Variants in GALNTL6 observed in about 807,000 individuals in gnomAD.
GALNTL6 encodes the protein polypeptide N-acetylgalactosaminyltransferase-like 6.
Under a neutral mutation model 73.7 loss-of-function variants are expected in GALNTL6, and 46 were observed. The observed-to-expected ratio is 0.62, with a 90% confidence interval of 0.49 to 0.80. The LOEUF (loss-of-function observed/expected upper bound fraction) is 0.80. Ranked by LOEUF, GALNTL6 falls within the 30% of genes least tolerant of loss-of-function variation. GALNTL6 has a pLI of 0.00. For missense variants in GALNTL6, 604 were observed against 755.0 expected, an observed-to-expected ratio of 0.80 and a Z score of 2.34; for synonymous variants, 259 against 263.7, an observed-to-expected ratio of 0.98 and a Z score of 0.17.
chr4:172,821,941 C>T (rs182261695), intron 7 of GALNTL6, among the ~76,000 whole-genome samples: 62 of 152,226 alleles, frequency 4.1e-4, no homozygotes, highest in Non-Finnish European at 4.7e-4. Flanking sequence ...TCTGGAGGCC[C>T]CTGGCTGCCC....
At chr4:171,991,381 A>C (rs1740329313) in intron 2 of GALNTL6, among the ~76,000 whole-genome samples, 2 of 152,252 alleles carry the variant, frequency 1.3e-5, no homozygotes, top group South Asian at 4.1e-4. Flanking sequence ...TGCCAATCAA[A>C]ACCATATCAA....
At chr4:172,040,105 C>T (rs1444744685) in intron 2 of GALNTL6, among the ~76,000 whole-genome samples, 1 of 151,818 alleles carries the variant, frequency 6.6e-6, no homozygotes, top group Non-Finnish European at 1.5e-5. Context: ...AAACAAGGTC[C>T]CTGGGATGCC....
intron 5 of GALNTL6, among the ~76,000 whole-genome samples, chr4:172,680,666 C>T (rs1027731940): frequency 5.9e-5 from 9 of 152,106 alleles, no homozygotes; most frequent in Admixed American, 2.0e-4. Context: ...TTAAAAAAGC[C>T]GTCTTCTTTT....
intron 7 of GALNTL6, among the ~76,000 whole-genome samples, chr4:172,874,753 C>T (rs1486687883): frequency 1.3e-5 from 2 of 152,188 alleles, no homozygotes; most frequent in African/African-American, 2.4e-5. Flanking sequence ...GGCGTCTGCT[C>T]CCGTCTGGCC....
intron 2 of GALNTL6, among the ~76,000 whole-genome samples, chr4:172,088,835 CAG>C (rs1431717504): frequency 6.6e-6 from 1 of 152,120 alleles, no homozygotes; most frequent in Non-Finnish European, 1.5e-5. Flanking sequence ...GGGGAGAGGC[CAG>C]AGAGACCTTG....
At chr4:172,844,606 C>T (rs749288771) in intron 7 of GALNTL6, among the ~76,000 whole-genome samples, 2 of 152,176 alleles carry the variant, frequency 1.3e-5, no homozygotes, top group African/African-American at 2.4e-5. Flanking sequence ...ATGAGGAGGT[C>T]TCTTTTCTTT....
chr4:172,043,671 C>T (rs556810343), intron 2 of GALNTL6, among the ~76,000 whole-genome samples: 1 of 151,898 alleles, frequency 6.6e-6, no homozygotes, highest in South Asian at 2.1e-4. Flanking sequence ...ATAAATATTC[C>T]AGGAAAATTT....
intron 5 of GALNTL6, among the ~76,000 whole-genome samples, chr4:172,349,543 T>C (rs1024502196): frequency 6.6e-6 from 1 of 152,118 alleles, no homozygotes; most frequent in South Asian, 2.1e-4. Flanking sequence ...CACAGAAACA[T>C]CTTTTTTTCA....
intron 10 of GALNTL6, among the ~76,000 whole-genome samples, chr4:172,973,492 A>G (rs1750670412): frequency 6.6e-6 from 1 of 152,184 alleles, no homozygotes; most frequent in African/African-American, 2.4e-5. Context: ...TGGCAGAGAG[A>G]AAAGAGGAGA....
intron 3 of GALNTL6, among the ~76,000 whole-genome samples, chr4:172,296,223 T>G (rs1739667073): frequency 6.6e-6 from 1 of 152,190 alleles, no homozygotes; most frequent in East Asian, 1.9e-4. Context: ...TTGCCTATAT[T>G]GAGATAACAT....
chr4:171,860,558 T>A (rs535943417), intron 2 of GALNTL6, among the ~76,000 whole-genome samples: 6 of 152,322 alleles, frequency 3.9e-5, no homozygotes, highest in African/African-American at 1.4e-4. Context: ...CTCTACTTTA[T>A]AATCCTTTAG....
At chr4:172,559,606 C>T (rs1157571020) in intron 5 of GALNTL6, among the ~76,000 whole-genome samples, 1 of 152,194 alleles carries the variant, frequency 6.6e-6, no homozygotes, top group Non-Finnish European at 1.5e-5. Flanking sequence ...ATCATGAATA[C>T]TGTTCCTTTG....
intron 8 of GALNTL6, among the ~76,000 whole-genome samples, chr4:172,896,257 G>A (rs1317491949): frequency 2.6e-5 from 4 of 152,174 alleles, no homozygotes; most frequent in Non-Finnish European, 5.9e-5. Flanking sequence ...GTTTGTGCCT[G>A]TTCATTTTCC....
At chr4:172,777,248 C>T (rs1054075268) in intron 5 of GALNTL6, among the ~76,000 whole-genome samples, 9 of 152,146 alleles carry the variant, frequency 5.9e-5, no homozygotes, top group African/African-American at 2.2e-4. Flanking sequence ...AAATTATTTA[C>T]AAATAATATG....
At chr4:172,293,809 C>G (rs1739558453) in intron 3 of GALNTL6, among the ~76,000 whole-genome samples, 1 of 151,356 alleles carries the variant, frequency 6.6e-6, no homozygotes, top group East Asian at 1.9e-4. Context: ...ACATAGTAAT[C>G]ACAGCATAAT....
At chr4:172,057,728 ATATAT>A (rs1352039442) in intron 2 of GALNTL6, among the ~76,000 whole-genome samples, 21 of 62,268 alleles carry the variant, frequency 3.4e-4, no homozygotes, top group African/African-American at 1.3e-3. Context: ...AAAAAAAAAA[ATATAT>A]ATATATATAT....
At chr4:172,606,621 A>AC (rs1738293422) in intron 5 of GALNTL6, among the ~76,000 whole-genome samples, 2 of 49,020 alleles carry the variant, frequency 4.1e-5, no homozygotes, top group African/African-American at 9.7e-5. Flanking sequence ...CATATATAGT[A>AC]TATATATACT....
chr4:172,579,204 T>C (rs1007221647), intron 5 of GALNTL6, among the ~76,000 whole-genome samples: 6 of 152,240 alleles, frequency 3.9e-5, no homozygotes, highest in African/African-American at 1.4e-4. Context: ...ATTTCCCATT[T>C]ACAGGAAACT....
chr4:172,498,051 C>T (rs35107456), intron 5 of GALNTL6, among the ~76,000 whole-genome samples: 21,389 of 136,636 alleles, frequency 0.16, 1,780 homozygotes, highest in Middle Eastern at 0.24. Flanking sequence ...AGTGCAGTGA[C>T]GCAATCTCAG....
Sources: allele counts gnomAD v4.1 joint callset (sites outside exome capture counted in the v4.1 genomes callset), GRCh38; gene constraint gnomAD v4.1.1; transcripts MANE v1.5; gene names NCBI Gene and HGNC (gene_info 2026-07-23, HGNC 2026-07-21).